TXNDC11: variants seen among roughly 807,000 people sequenced by gnomAD.
TXNDC11 encodes thioredoxin domain containing 11.
Under a neutral mutation model 78.0 loss-of-function variants are expected in TXNDC11, and 68 were observed. The ratio of observed to expected loss-of-function variants is 0.87; its 90% CI spans 0.72 to 1.07. The LOEUF (loss-of-function observed/expected upper bound fraction) is 1.07. Ranked by LOEUF, TXNDC11 falls within the 50% of genes least tolerant of loss-of-function variation. The pLI is 0.00. For missense variants in TXNDC11, 1,389 were observed against 1,221.8 expected (o/e 1.14, Z -2.04); for synonymous variants, 571 against 495.2 (o/e 1.15, Z -2.03).
intron 8 of TXNDC11, among the ~76,000 whole-genome samples, chr16:11,689,429 T>C (rs2050652005): frequency 6.6e-6 from 1 of 152,210 alleles, no homozygotes; most frequent in South Asian, 2.1e-4. Context: ...AAACCAAGAA[T>C]TATTTCCTAA....
intron 5 of TXNDC11, among the ~76,000 whole-genome samples, chr16:11,704,838 T>C (rs987152208): frequency 2.6e-5 from 4 of 151,810 alleles, no homozygotes; most frequent in Admixed American, 2.6e-4. Context: ...CAGACACTAG[T>C]GGAAACATGG....
At position 11,706,781 on chromosome 16, in the gene TXNDC11, T is replaced by C. The variant is rs1407689162; in HGVS notation, c.794-6217A>G. On this transcript the variant is annotated intron_variant, in intron 5 of 11. Transcript: ENST00000283033. ...TCCATCTGGTTTCCACTCACATTCA[T>C]CTGGCTCACTATCCTCTAGTTTGGA... 2.0e-5 allele frequency among the ~76,000 whole-genome samples: 3 copies of C among 152,228 alleles called. No homozygotes were observed. The East Asian group carries it at 5.8e-4, about 29-fold the overall frequency.
chr16:11,700,495 T>G lies in TXNDC11; in HGVS notation c.863A>C (p.His288Pro), dbSNP rs746235924. Reference sequence around the variant, plus strand: ...TCTATGTAAATACACACTTCCAGAGTGTACTAAGGATACCAGTTTCGCAAG... The same window carrying G: ...TCTATGTAAATACACACTTCCAGAGGGTACTAAGGATACCAGTTTCGCAAG... ...KHLAKLVSLVHSGSVYLHRHF... is the reference protein window; with the variant it reads ...KHLAKLVSLVPSGSVYLHRHF... The change falls in exon 6 of 12, where the codon CAC becomes CCC. Residue 288 changes from histidine to proline, a missense_variant. Coordinates refer to ENST00000283033, the MANE Select transcript of TXNDC11 (RefSeq NM_015914.7). 4 of 1,598,848 alleles carry G rather than the reference T, an allele frequency of 2.5e-6. No individual in the cohort carries two copies. In the Admixed American group the frequency reaches 5.0e-5, roughly 20 times the overall value.
intron 8 of TXNDC11, among the ~76,000 whole-genome samples, chr16:11,688,987 A>G (rs1360962736): frequency 2.6e-5 from 4 of 152,170 alleles, no homozygotes; most frequent in African/African-American, 4.8e-5. Context: ...CATAAAACCC[A>G]TAATAATCAA....
chr16:11,692,980 C>T (rs937091144), intron 7 of TXNDC11, among the ~76,000 whole-genome samples: 3 of 152,192 alleles, frequency 2.0e-5, no homozygotes, highest in African/African-American at 7.2e-5. Flanking sequence ...TACTCCCACT[C>T]CAGGAAGAGC....
chr16:11,694,684 G>A (rs1365329279), intron 7 of TXNDC11, among the ~76,000 whole-genome samples: 1 of 152,044 alleles, frequency 6.6e-6, no homozygotes, highest in Non-Finnish European at 1.5e-5. Flanking sequence ...CTGATCTCAG[G>A]TGATGTGATC....
At chr16:11,685,581 G>A (rs537000617) in intron 10 of TXNDC11, among the ~76,000 whole-genome samples, 8 of 150,536 alleles carry the variant, frequency 5.3e-5, no homozygotes, top group East Asian at 2.0e-4. Flanking sequence ...CCCGGGAGGC[G>A]GAGCTTATAG....
chr16:11,729,321 G>A (rs538645274), intron 4 of TXNDC11, among the ~76,000 whole-genome samples: 2 of 152,298 alleles, frequency 1.3e-5, no homozygotes, highest in Admixed American at 6.5e-5. Context: ...GAAAATGAGA[G>A]GCAGGCCTCT....
chr16:11,723,813 A>C (rs990441982), intron 4 of TXNDC11, among the ~76,000 whole-genome samples: 1 of 152,192 alleles, frequency 6.6e-6, no homozygotes, highest in Admixed American at 6.5e-5. Context: ...ATCTAAATTT[A>C]AAACAATTTT....
chr16:11,696,815 C>T (rs1196039149), intron 7 of TXNDC11, among the ~76,000 whole-genome samples: 1 of 152,120 alleles, frequency 6.6e-6, no homozygotes, highest in Non-Finnish European at 1.5e-5. Flanking sequence ...CCACCAGGTG[C>T]CTAAATCCAA....
At chr16:11,742,298 G>C (rs1389209999) in intron 1 of TXNDC11, 179 bp downstream of exon 1, 14 of 479,792 alleles carry the variant, frequency 2.9e-5, no homozygotes, top group Non-Finnish European at 3.5e-5. Flanking sequence ...GTCCGCGGGC[G>C]GGCCGGGGCG....
In TXNDC11 at chr16:11,679,437, C is replaced by G; in HGVS notation, c.2635G>C (p.Glu879Gln). ...AGGTTTTCTGAGGCATCGGCCAGCT[C>G]CTGCAGCTTGCGGGCCAGCTCCTGC... ...ELQELARKLQ[E>Q]LADASENLLT... The change falls in exon 12 of 12, where the codon GAG becomes CAG. Residue 879 changes from glutamate to glutamine, a missense_variant. By Grantham distance (29) the Glu-to-Gln change is conservative (BLOSUM62 2). Transcript: ENST00000283033. The surrounding 1 kb of genome is among the most constrained non-coding windows in gnomAD (Gnocchi z 4.6). The G allele has an allele frequency of 6.2e-7, 1 of 1,613,534 alleles. No individual in the cohort carries two copies. Among genetic ancestry groups the G allele is most frequent in the Non-Finnish European group, 8.5e-7 (1 of 1,179,820 alleles).
intron 5 of TXNDC11, among the ~76,000 whole-genome samples, chr16:11,718,444 C>A (rs1479927898): frequency 1.3e-5 from 2 of 152,118 alleles, no homozygotes; most frequent in African/African-American, 2.4e-5. Flanking sequence ...TCTGTACATA[C>A]AATCTAAACA....
At chr16:11,701,118 C>A (rs1165534058) in intron 5 of TXNDC11, among the ~76,000 whole-genome samples, 3 of 150,248 alleles carry the variant, frequency 2.0e-5, no homozygotes, top group African/African-American at 7.4e-5. Context: ...TTCCTTTGGC[C>A]CAATGTCCTC....
At chr16:11,696,177 C>G (rs765490909) in intron 7 of TXNDC11, among the ~76,000 whole-genome samples, 1 of 152,156 alleles carries the variant, frequency 6.6e-6, no homozygotes, top group Non-Finnish European at 1.5e-5. Flanking sequence ...GGCCTCCTTC[C>G]TAACACCTAA....
At chr16:11,727,325 A>G (rs2051912927) in intron 4 of TXNDC11, among the ~76,000 whole-genome samples, 1 of 152,098 alleles carries the variant, frequency 6.6e-6, no homozygotes, top group Non-Finnish European at 1.5e-5. Context: ...CACTAAGTCA[A>G]GCAAAAAAAA....
intron 5 of TXNDC11, among the ~76,000 whole-genome samples, chr16:11,713,785 G>A (rs2051438190): frequency 6.6e-6 from 1 of 151,940 alleles, no homozygotes; most frequent in Non-Finnish European, 1.5e-5. Context: ...TCTCAATGCA[G>A]GCAGATAGTT....
intron 11 of TXNDC11, 81 bp downstream of exon 11, chr16:11,684,084 T>C: frequency 1.0e-6 from 1 of 1,000,276 alleles, no homozygotes; most frequent in Non-Finnish European, 1.6e-6. Flanking sequence ...TAATGAATGA[T>C]TTACATCTTA....
chr16:11,688,045 C>A, intron 9 of TXNDC11, 79 bp from the exon 10 acceptor site: 1 of 1,172,826 alleles, frequency 8.5e-7, no homozygotes, highest in South Asian at 1.3e-5. Context: ...GCTTAGAATC[C>A]AGCAAGCACC....
Sources: gnomAD v4.1 joint callset for allele counts (sites outside exome capture counted in the v4.1 genomes callset) on GRCh38, gnomAD v4.1.1 for gene constraint, Gnocchi (gnomAD v3.1) non-coding constraint, MANE v1.5 for transcripts, NCBI Gene and HGNC (gene_info 2026-07-23, HGNC 2026-07-21) for gene names.